TEAD1: variants seen among roughly 807,000 people sequenced by gnomAD.
TEAD1 encodes TEA domain transcription factor 1, also known as transcriptional enhancer factor TEF-1.
A neutral mutation model predicts 54.9 loss-of-function variants in TEAD1; 9 were observed. The ratio of observed to expected loss-of-function variants is 0.16; its 90% confidence interval spans 0.10 to 0.29. The LOEUF (loss-of-function observed/expected upper bound fraction) is 0.29, where lower values mean the gene tolerates loss of function less well. Ranked by LOEUF, TEAD1 falls within the 10% of genes least tolerant of loss-of-function variation. TEAD1 has a pLI of 1.00. For missense variants in TEAD1, 387 were observed against 535.9 expected (o/e 0.72, Z 2.74); for synonymous variants, 200 against 187.8 (o/e 1.07, Z -0.53).
intron 9 of TEAD1, among the ~76,000 whole-genome samples, chr11:12,890,431 A>G (rs1948175042): frequency 6.6e-6 from 1 of 152,116 alleles, no homozygotes; most frequent in Non-Finnish European, 1.5e-5. Flanking sequence ...GCTGCTTTAG[A>G]GCCTATCTTT....
intron 3 of TEAD1, among the ~76,000 whole-genome samples, chr11:12,837,745 C>T (rs1448810269): frequency 1.4e-5 from 2 of 139,486 alleles, no homozygotes; most frequent in Non-Finnish European, 3.0e-5. Context: ...CCTCCTTCTT[C>T]TTCCTCCTCT....
intron 3 of TEAD1, among the ~76,000 whole-genome samples, chr11:12,821,937 ACT>A (rs1291834693): frequency 4.5e-5 from 4 of 89,442 alleles, no homozygotes; most frequent in African/African-American, 8.8e-5. Context: ...CTTTTCCTAT[ACT>A]CTCTCTCCTT....
intron 2 of TEAD1, among the ~76,000 whole-genome samples, chr11:12,733,625 G>T (rs2133882712): frequency 1.3e-5 from 2 of 152,316 alleles, no homozygotes; most frequent in Middle Eastern, 3.4e-3. Context: ...CTGCCTGTGT[G>T]CATGGTGGTA....
At chr11:12,733,952 C>T (rs545220129) in intron 2 of TEAD1, among the ~76,000 whole-genome samples, 169 of 152,330 alleles carry the variant, frequency 1.1e-3, no homozygotes, top group African/African-American at 4.0e-3. Flanking sequence ...CAGGGTCTTG[C>T]TCTGTTGCCC....
chr11:12,870,388 T>G (rs1045426554), intron 5 of TEAD1, among the ~76,000 whole-genome samples: 1 of 151,010 alleles, frequency 6.6e-6, no homozygotes, highest in African/African-American at 2.4e-5. Context: ...GAGGAGACAG[T>G]GAACCAGGAG....
In TEAD1 at chr11:12,935,012, C is replaced by T. The variant is rs145584147; in HGVS notation, c.1168-2097C>T. ...TTCTGATTACTAAGAATAGGGGTAT[C>T]CCATGGGTACATACTTAGGTACCAG... On this transcript the variant is annotated intron_variant, in intron 12 of 12. Coordinates refer to ENST00000527636, the MANE Select transcript of TEAD1 (RefSeq NM_021961.6). 5.9e-3 allele frequency among the ~76,000 whole-genome samples: 898 copies of T among 152,132 alleles called. 3 individuals carry two copies. Among genetic ancestry groups the T allele is most frequent in the Middle Eastern group, 0.017 (5 of 294 alleles).
At chr11:12,700,414 A>G (rs1943674175) in intron 2 of TEAD1, among the ~76,000 whole-genome samples, 1 of 152,234 alleles carries the variant, frequency 6.6e-6, no homozygotes, top group Non-Finnish European at 1.5e-5. Flanking sequence ...CTCTTCATTC[A>G]TTTTTATAAC....
chr11:12,931,812 C>T (rs181877465), intron 12 of TEAD1, among the ~76,000 whole-genome samples: 1 of 152,042 alleles, frequency 6.6e-6, no homozygotes, highest in Non-Finnish European at 1.5e-5. Context: ...AAATAAAAAC[C>T]CTGTGCATAT....
chr11:12,769,684 T>A lies in TEAD1; in HGVS notation c.202+5250T>A, dbSNP rs1347500118. Among the ~76,000 whole-genome samples, 3 of 152,148 alleles carry A rather than the reference T, an allele frequency of 2.0e-5. No individual in the cohort carries two copies. In the East Asian group the frequency reaches 5.8e-4, roughly 29 times the overall value. ...AAAGTGTTCTTCTCGGAGCTCCATA[T>A]GAACATCATGTGGCATCTTTGATTT... On this transcript the variant is annotated intron_variant, in intron 3 of 12. Transcript: ENST00000527636.
chr11:12,809,568 A>G (rs1946249415), intron 3 of TEAD1, among the ~76,000 whole-genome samples: 1 of 152,190 alleles, frequency 6.6e-6, no homozygotes, highest in South Asian at 2.1e-4. Context: ...GTCTAGCCAT[A>G]GGAACTCTCC....
intron 2 of TEAD1, among the ~76,000 whole-genome samples, chr11:12,758,280 G>T (rs1945025589): frequency 7.0e-6 from 1 of 143,116 alleles, no homozygotes; most frequent in African/African-American, 2.6e-5. Context: ...TCACTCTGTT[G>T]CCCAGGCTGG....
chr11:12,783,192 C>CT (rs3046326), intron 3 of TEAD1, among the ~76,000 whole-genome samples: 6,252 of 99,472 alleles, frequency 0.063, 812 homozygotes, highest in African/African-American at 0.22. Flanking sequence ...GTTTTTGTGC[C>CT]TTTTTTTTTT....
intron 3 of TEAD1, among the ~76,000 whole-genome samples, chr11:12,769,391 G>T (rs1022885140): frequency 2.6e-5 from 4 of 152,200 alleles, no homozygotes; most frequent in Non-Finnish European, 4.4e-5. Flanking sequence ...GAACTGACAA[G>T]GGGGTATCAG....
intron 2 of TEAD1, among the ~76,000 whole-genome samples, chr11:12,761,896 G>T (rs945877956): frequency 6.6e-6 from 1 of 152,166 alleles, no homozygotes; most frequent in African/African-American, 2.4e-5. Context: ...GTGTTCAAGG[G>T]TAGACTGTGA....
At chr11:12,801,625 G>T (rs1258975556) in intron 3 of TEAD1, among the ~76,000 whole-genome samples, 2 of 152,210 alleles carry the variant, frequency 1.3e-5, no homozygotes, top group African/African-American at 4.8e-5. Context: ...TTGGAGCCTT[G>T]GTTTGAACCT....
At chr11:12,903,871 T>C (rs1222686634) in intron 10 of TEAD1, among the ~76,000 whole-genome samples, 1 of 152,190 alleles carries the variant, frequency 6.6e-6, no homozygotes, top group Non-Finnish European at 1.5e-5. Context: ...GGATGTTGGA[T>C]CTGTAATACA....
intron 2 of TEAD1, 71 bp downstream of exon 2, chr11:12,675,632 A>C (rs547689934): frequency 1.3e-5 from 2 of 152,350 alleles, no homozygotes; most frequent in Non-Finnish European, 2.9e-5. Flanking sequence ...AAATCTGGGT[A>C]CACTTCTAGT....
At chr11:12,721,977 G>A (rs1161791745) in intron 2 of TEAD1, among the ~76,000 whole-genome samples, 1 of 152,186 alleles carries the variant, frequency 6.6e-6, no homozygotes, top group Non-Finnish European at 1.5e-5. Flanking sequence ...TTCAGATTCA[G>A]GTGCCTCACT....
chr11:12,820,129 T>G (rs1946510305), intron 3 of TEAD1, among the ~76,000 whole-genome samples: 1 of 152,152 alleles, frequency 6.6e-6, no homozygotes, highest in African/African-American at 2.4e-5. Context: ...TCTCCATCAG[T>G]GCAGAGCCAC....
Sources: gnomAD v4.1 joint callset for allele counts (sites outside exome capture counted in the v4.1 genomes callset) on GRCh38, gnomAD v4.1.1 for gene constraint, MANE v1.5 for transcripts, NCBI Gene and HGNC (gene_info 2026-07-23, HGNC 2026-07-21) for gene names.